SKAP1: variants seen among roughly 807,000 people sequenced by gnomAD.
The protein encoded by SKAP1 is src kinase associated phosphoprotein 1.
In SKAP1, 44 loss-of-function variants were observed where a neutral mutation model predicts 58.5. That is an observed-to-expected ratio of 0.75 (90% CI 0.59 to 0.97). The LOEUF is 0.97. SKAP1 is among the 50% of genes least tolerant of loss of function. The pLI, the probability that SKAP1 is intolerant of heterozygous loss-of-function variation, is 0.00. For synonymous variants in SKAP1, 127 were observed against 149.7 expected (o/e 0.85, Z 1.11); for missense variants, 390 against 435.2 (o/e 0.90, Z 0.92).
At position 48,427,574 on chromosome 17, in the gene SKAP1, A is replaced by G. The variant is rs550843372; in HGVS notation, c.46+2501T>C. 2.7e-5 allele frequency among the ~76,000 whole-genome samples: 4 copies of G among 150,770 alleles called. No individual in the cohort carries two copies. The East Asian group carries it at 7.7e-4, about 29-fold the overall frequency. On this transcript the variant is annotated intron_variant, in intron 1 of 12. Coordinates refer to ENST00000336915, the MANE Select transcript of SKAP1 (RefSeq NM_003726.4). ...GGCCTTGGGAATTTCTGTTCTCTTC[A>G]TTATGCAAAATTTTGTTATCTACCT...
intron 4 of SKAP1, among the ~76,000 whole-genome samples, chr17:48,326,889 C>CTTTTTTTTTT (rs35868072): frequency 8.2e-6 from 1 of 121,608 alleles, no homozygotes; most frequent in Non-Finnish European, 1.7e-5. Context: ...TTCTTTCTTT[C>CTTTTTTTTTT]TTTTTTTTTT....
At chr17:48,403,200 A>C (rs577403880) in intron 1 of SKAP1, among the ~76,000 whole-genome samples, 10 of 68,742 alleles carry the variant, frequency 1.5e-4, no homozygotes, top group African/African-American at 4.7e-4. Flanking sequence ...CTGTCTCTAC[A>C]AAAAAAAAAA....
intron 4 of SKAP1, among the ~76,000 whole-genome samples, chr17:48,332,185 A>G (rs2066515509): frequency 6.6e-6 from 1 of 152,102 alleles, no homozygotes; most frequent in Non-Finnish European, 1.5e-5. Context: ...TTATATTATT[A>G]CAGCTTTAAA....
chr17:48,343,551 C>CT (rs34665633), intron 4 of SKAP1, among the ~76,000 whole-genome samples: 50,707 of 151,854 alleles, frequency 0.33, 9,162 homozygotes, highest in African/African-American at 0.47. Context: ...TTTGGGAATT[C>CT]TTTAATTTCA....
chr17:48,271,524 C>A (rs966457574), intron 4 of SKAP1, among the ~76,000 whole-genome samples: 1 of 151,728 alleles, frequency 6.6e-6, no homozygotes, highest in Non-Finnish European at 1.5e-5. Flanking sequence ...TGTCACCACA[C>A]CTGACTAATT....
At chr17:48,352,199 T>C (rs1025787786) in intron 3 of SKAP1, among the ~76,000 whole-genome samples, 1 of 152,012 alleles carries the variant, frequency 6.6e-6, no homozygotes, top group African/African-American at 2.4e-5. Context: ...GTTAACAAAC[T>C]GTAGGGCTGG....
chr17:48,410,584 G>C (rs1037204136), intron 1 of SKAP1, among the ~76,000 whole-genome samples: 1 of 151,970 alleles, frequency 6.6e-6, no homozygotes, highest in Non-Finnish European at 1.5e-5. Flanking sequence ...AGGAAGTGCT[G>C]AAAACACACA....
At chr17:48,377,462 C>A (rs1392203148) in intron 2 of SKAP1, 1 of 151,508 alleles carries the variant, frequency 6.6e-6, no homozygotes, top group East Asian at 1.9e-4. Flanking sequence ...CCTGTGGTCC[C>A]AGCTACCTAA....
chr17:48,415,429 G>A (rs2067720585), intron 1 of SKAP1, among the ~76,000 whole-genome samples: 1 of 152,126 alleles, frequency 6.6e-6, no homozygotes. Context: ...TTACAGAAAT[G>A]TCCATTCTCT....
At chr17:48,290,022 A>T (rs958370390) in intron 4 of SKAP1, among the ~76,000 whole-genome samples, 1 of 152,186 alleles carries the variant, frequency 6.6e-6, no homozygotes, top group Non-Finnish European at 1.5e-5. Flanking sequence ...AAATATTCTC[A>T]GAATTAGTAT....
rs186665950 is a variant in SKAP1, at chr17:48,266,599, C to T, written c.281-77099G>A. Among the ~76,000 whole-genome samples the T allele has an allele frequency of 2.8e-4, 43 of 151,572 alleles. 1 individual carries two copies. In the South Asian group the frequency reaches 4.4e-3, roughly 15 times the overall value. On this transcript the variant is annotated intron_variant, in intron 4 of 12. Coordinates refer to ENST00000336915, the MANE Select transcript of SKAP1 (RefSeq NM_003726.4). ...AATCTTGACTCACTGTAAGCTCCGC[C>T]TCCCAGGTTCACGCCATTCTCCTGC... is the stretch of plus-strand genomic sequence containing the variant.
At chr17:48,246,092 G>A (rs2065293463) in intron 4 of SKAP1, among the ~76,000 whole-genome samples, 1 of 152,110 alleles carries the variant, frequency 6.6e-6, no homozygotes, top group South Asian at 2.1e-4. Flanking sequence ...TTAGAACAGA[G>A]CCTGGCACAT....
chr17:48,379,963 T>A (rs1464340668), intron 2 of SKAP1, among the ~76,000 whole-genome samples: 1 of 152,218 alleles, frequency 6.6e-6, no homozygotes, highest in Admixed American at 6.5e-5. Flanking sequence ...ATTACAGGCA[T>A]GAGCCACCGT....
intron 4 of SKAP1, among the ~76,000 whole-genome samples, chr17:48,287,959 T>C (rs1460529141): frequency 6.6e-6 from 1 of 152,238 alleles, no homozygotes; most frequent in Admixed American, 6.5e-5. Flanking sequence ...TCAAAGCAGA[T>C]GGAGCTCAAA....
At chr17:48,379,212 G>A (rs769128000) in intron 2 of SKAP1, among the ~76,000 whole-genome samples, 2 of 152,102 alleles carry the variant, frequency 1.3e-5, no homozygotes, top group Non-Finnish European at 2.9e-5. Context: ...CAAAAGACAC[G>A]ACTGAATACA....
At chr17:48,416,540 A>C (rs760358448) in intron 1 of SKAP1, among the ~76,000 whole-genome samples, 1 of 152,332 alleles carries the variant, frequency 6.6e-6, no homozygotes, top group Middle Eastern at 3.4e-3. Context: ...CTTTCCAAAA[A>C]TAATGGGCTA....
chr17:48,369,999 C>G (rs190107850), intron 2 of SKAP1, among the ~76,000 whole-genome samples: 2 of 152,032 alleles, frequency 1.3e-5, no homozygotes, highest in African/African-American at 4.8e-5. Context: ...TATGACAAGC[C>G]CTTTGCCCAG....
At chr17:48,170,182 C>T (rs1186190829) in intron 10 of SKAP1, among the ~76,000 whole-genome samples, 3 of 152,212 alleles carry the variant, frequency 2.0e-5, no homozygotes, top group African/African-American at 7.2e-5. Flanking sequence ...ACCCTGTGTT[C>T]ACTTTTCAGA....
At chr17:48,378,194 C>T (rs572982336) in intron 2 of SKAP1, among the ~76,000 whole-genome samples, 1 of 152,282 alleles carries the variant, frequency 6.6e-6, no homozygotes, top group Admixed American at 6.5e-5. Flanking sequence ...GGTCCATCTG[C>T]CCTCATCCTC....
Sources: allele counts gnomAD v4.1 joint callset (sites outside exome capture counted in the v4.1 genomes callset), GRCh38; gene constraint gnomAD v4.1.1; transcripts MANE v1.5; gene names NCBI Gene and HGNC (gene_info 2026-07-23, HGNC 2026-07-21).